The following FAM178B variants were observed in gnomAD, a reference collection of about 807,000 sequenced individuals.
FAM178B encodes protein FAM178B.
FAM178B carries 82 observed loss-of-function variants against 91.7 expected under a neutral mutation model. The observed-to-expected ratio is 0.89, with a 90% CI of 0.75 to 1.07. FAM178B has a LOEUF of 1.07. Among genes scored for constraint, FAM178B ranks in the 50% least tolerant of loss-of-function variants. The pLI, the probability that FAM178B is intolerant of heterozygous loss-of-function variation, is 0.00. For synonymous variants in FAM178B, 368 were observed against 359.4 expected (o/e 1.02, Z -0.27); for missense variants, 769 against 846.7 (o/e 0.91, Z 1.14).
intron 12 of FAM178B, among the ~76,000 whole-genome samples, chr2:96,904,500 T>C (rs1246987366): frequency 6.6e-6 from 1 of 151,580 alleles, no homozygotes; most frequent in African/African-American, 2.4e-5. Context: ...GTCTCCCAAG[T>C]AGCTGGGACT....
intron 13 of FAM178B, among the ~76,000 whole-genome samples, chr2:96,902,046 C>G (rs1287513265): frequency 6.6e-6 from 1 of 152,010 alleles, no homozygotes; most frequent in Non-Finnish European, 1.5e-5. Context: ...CGATCCCGCC[C>G]ACCTCAGCCT....
intron 8 of FAM178B, among the ~76,000 whole-genome samples, chr2:96,944,785 A>C (rs1422418286): frequency 6.6e-6 from 1 of 152,218 alleles, no homozygotes; most frequent in Non-Finnish European, 1.5e-5. Context: ...GTTTACCTGC[A>C]CCAAACCTGA....
intron 6 of FAM178B, among the ~76,000 whole-genome samples, chr2:96,955,168 C>G (rs1359666942): frequency 6.6e-6 from 1 of 151,988 alleles, no homozygotes; most frequent in Non-Finnish European, 1.5e-5. Context: ...AAGTTCAAGA[C>G]CAGCCTGGTC....
intron 7 of FAM178B, chr2:96,950,223 C>T (rs1022488899): frequency 5.3e-6 from 5 of 943,874 alleles, no homozygotes; most frequent in East Asian, 1.2e-4. Context: ...TTGTGTGTTC[C>T]GTCACACACT....
intron 5 of FAM178B, among the ~76,000 whole-genome samples, chr2:96,964,683 G>C (rs547724299): frequency 1.3e-5 from 2 of 152,268 alleles, no homozygotes; most frequent in Admixed American, 1.3e-4. Context: ...CCACCCCACT[G>C]ATCTGACCCC....
At chr2:96,897,224 C>T (rs933926129) in intron 13 of FAM178B, among the ~76,000 whole-genome samples, 15 of 152,158 alleles carry the variant, frequency 9.9e-5, no homozygotes, top group Non-Finnish European at 2.2e-4. Context: ...GGAATGTAAA[C>T]TCTCTGAGGG....
At chr2:96,899,353 C>T (rs772284848) in intron 13 of FAM178B, among the ~76,000 whole-genome samples, 3 of 152,312 alleles carry the variant, frequency 2.0e-5, no homozygotes, top group South Asian at 4.1e-4. Context: ...TCATCTGGTG[C>T]TGTCTCCCCA....
rs186712702 is a variant in FAM178B at position 96,950,930 on chromosome 2, G to A, written c.993+449C>T. 1.1e-3 allele frequency among the ~76,000 whole-genome samples: 161 copies of A among 152,258 alleles called. 1 individual carries two copies. Among genetic ancestry groups the A allele is most frequent in the African/African-American group, 3.5e-3 (146 of 41,560 alleles). ...TGCAGGATTGCCGTGGGCCCTGAAC[G>A]GCCCTCCCGCTGCGTATGGGATGAG... is the stretch of plus-strand genomic sequence containing the variant. On this transcript the variant is annotated intron_variant, in intron 7 of 16. Coordinates refer to ENST00000490605, the MANE Select transcript of FAM178B (RefSeq NM_001122646.3).
intron 9 of FAM178B, among the ~76,000 whole-genome samples, chr2:96,928,555 A>C (rs772720613): frequency 6.6e-6 from 1 of 152,250 alleles, no homozygotes. Flanking sequence ...TCCTGAGTGG[A>C]TATTAGGTAA....
Position 96,878,426 on chromosome 2 carries a change from G to A in FAM178B, c.1844C>T (p.Pro615Leu), listed in dbSNP as rs2080300502. ...CCTTGGGAGACTCACCCACTGGTCT[G>A]GAGTGATGTCCTGGCAGCTAACAAC... ...GVVVSCQDIT[P>L]DQWGELQLLC... is the part of the protein sequence containing the mutation. The change falls in exon 15 of 17, where the codon CCA (proline) becomes CTA (leucine). Residue 615 changes from proline to leucine, a missense_variant. Coordinates refer to ENST00000490605, the MANE Select transcript of FAM178B (RefSeq NM_001122646.3). 2 of 1,613,892 alleles carry A rather than the reference G, an allele frequency of 1.2e-6. No homozygotes were observed. Among genetic ancestry groups the A allele is most frequent in the Admixed American group, 3.3e-5 (2 of 60,016 alleles).
At chr2:96,921,061 G>T in intron 12 of FAM178B, 104 bp downstream of exon 12, 2 of 861,848 alleles carry the variant, frequency 2.3e-6, no homozygotes, top group Non-Finnish European at 1.9e-6. Context: ...TTAGAAATTG[G>T]GCAGGGGAGG....
chr2:96,946,682 T>G (rs1474043368), intron 8 of FAM178B, among the ~76,000 whole-genome samples: 4 of 152,246 alleles, frequency 2.6e-5, no homozygotes, highest in African/African-American at 9.6e-5. Context: ...CCCCTCTGCC[T>G]CAGCGGAGGA....
intron 12 of FAM178B, among the ~76,000 whole-genome samples, chr2:96,913,865 C>T (rs898011990): frequency 6.6e-6 from 1 of 152,162 alleles, no homozygotes; most frequent in East Asian, 1.9e-4. Context: ...GCCTGGGTCT[C>T]GCTCCCAGAG....
At chr2:96,926,968 G>T (rs1040556316) in intron 9 of FAM178B, among the ~76,000 whole-genome samples, 1 of 152,214 alleles carries the variant, frequency 6.6e-6, no homozygotes, top group Admixed American at 6.5e-5. Flanking sequence ...GGCATCCCTG[G>T]AAGTCAGCAG....
At chr2:96,956,018 C>T (rs910478115) in intron 6 of FAM178B, among the ~76,000 whole-genome samples, 4 of 152,214 alleles carry the variant, frequency 2.6e-5, no homozygotes, top group African/African-American at 7.2e-5. Flanking sequence ...GGAAAGCACG[C>T]TGGTCCTCGC....
chr2:96,984,025 A>G (rs1425804461), intron 1 of FAM178B, among the ~76,000 whole-genome samples: 1 of 152,102 alleles, frequency 6.6e-6, no homozygotes, highest in Non-Finnish European at 1.5e-5. Context: ...GCTGGAGTGT[A>G]ATGGCACAAT....
At chr2:96,888,864 T>G (rs1170402497) in intron 14 of FAM178B, among the ~76,000 whole-genome samples, 1 of 152,084 alleles carries the variant, frequency 6.6e-6, no homozygotes, top group Non-Finnish European at 1.5e-5. Context: ...TCCCAGAGCA[T>G]CACCCAATCC....
chr2:96,957,309 G>C (rs746376144), intron 6 of FAM178B, among the ~76,000 whole-genome samples: 15 of 152,284 alleles, frequency 9.9e-5, no homozygotes, highest in Non-Finnish European at 2.2e-4. Flanking sequence ...GATGACCCAG[G>C]GCTAAATGGT....
chr2:96,907,678 C>A (rs1246922724), intron 12 of FAM178B, among the ~76,000 whole-genome samples: 1 of 152,244 alleles, frequency 6.6e-6, no homozygotes, highest in African/African-American at 2.4e-5. Context: ...TTTTCCAAAC[C>A]CGCAGCAGGG....
Sources: allele counts gnomAD v4.1 joint callset (sites outside exome capture counted in the v4.1 genomes callset), GRCh38; gene constraint gnomAD v4.1.1; transcripts MANE v1.5; gene names NCBI Gene and HGNC (gene_info 2026-07-23, HGNC 2026-07-21).